Variants in DYNC1I1 observed in about 807,000 individuals in gnomAD.
DYNC1I1 encodes the protein dynein cytoplasmic 1 intermediate chain 1, also known as cytoplasmic dynein 1 intermediate chain 1.
Under a neutral mutation model 86.6 loss-of-function variants are expected in DYNC1I1, and 43 were observed. That is an observed-to-expected ratio of 0.50 (90% CI 0.39 to 0.64). The LOEUF is 0.64. Among genes scored for constraint, DYNC1I1 ranks in the 30% least tolerant of loss-of-function variants. The pLI is 0.00. For missense variants in DYNC1I1, 604 were observed against 788.8 expected (o/e 0.77, Z 2.81); for synonymous variants, 262 against 283.7 (o/e 0.92, Z 0.77).
chr7:96,043,475 T>C (rs1257027618), intron 14 of DYNC1I1, among the ~76,000 whole-genome samples: 1 of 151,922 alleles, frequency 6.6e-6, no homozygotes, highest in Non-Finnish European at 1.5e-5. Context: ...ACACCTGATT[T>C]AGTTTCTGCA....
chr7:96,096,451 G>A (rs901602813), intron 16 of DYNC1I1, among the ~76,000 whole-genome samples: 2 of 152,104 alleles, frequency 1.3e-5, no homozygotes, highest in East Asian at 1.9e-4. Context: ...AAGAAAATGC[G>A]TGTAAAATCT....
intron 10 of DYNC1I1, among the ~76,000 whole-genome samples, chr7:96,020,445 C>T (rs1794515392): frequency 6.6e-6 from 1 of 152,062 alleles, no homozygotes; most frequent in South Asian, 2.1e-4. Context: ...TCTTGTGAGA[C>T]CCACCCGCCA....
chr7:95,864,704 G>A (rs1048966763), intron 5 of DYNC1I1, among the ~76,000 whole-genome samples: 2 of 152,048 alleles, frequency 1.3e-5, no homozygotes, highest in Admixed American at 6.6e-5. Context: ...TTTGTATACC[G>A]CAATCTACTT....
At chr7:95,982,821 T>C (rs1474807981) in intron 7 of DYNC1I1, among the ~76,000 whole-genome samples, 1 of 152,154 alleles carries the variant, frequency 6.6e-6, no homozygotes, top group Non-Finnish European at 1.5e-5. Flanking sequence ...TAGTAGGGTT[T>C]GTTCCCCTTT....
intron 6 of DYNC1I1, among the ~76,000 whole-genome samples, chr7:95,879,434 T>A (rs1286579625): frequency 6.6e-6 from 1 of 151,932 alleles, no homozygotes; most frequent in Non-Finnish European, 1.5e-5. Context: ...AACTCTTAAA[T>A]GAAAAAGAGT....
chr7:96,014,724 C>T lies in DYNC1I1; in HGVS notation c.970-13451C>T, dbSNP rs548497383. ...CAAAGGAAGCTGGAAAATCAAGCTA[C>T]GGATCTTGTTTTTCAGGTCTGTTAT... On this transcript the variant is annotated intron_variant, in intron 10 of 16. Transcript: ENST00000447467. Among the ~76,000 whole-genome samples the T allele has an allele frequency of 2.6e-5, 4 of 152,248 alleles. No individual in the cohort carries two copies. The South Asian group carries it at 8.3e-4, about 32-fold the overall frequency.
intron 6 of DYNC1I1, among the ~76,000 whole-genome samples, chr7:95,960,842 A>G (rs1792847814): frequency 6.6e-6 from 1 of 152,346 alleles, no homozygotes; most frequent in South Asian, 2.1e-4. Flanking sequence ...CCTGTTCAGC[A>G]TCGTCTAGAC....
chr7:95,970,442 G>A (rs971878932), intron 6 of DYNC1I1, among the ~76,000 whole-genome samples: 1 of 152,174 alleles, frequency 6.6e-6, no homozygotes, highest in Non-Finnish European at 1.5e-5. Context: ...TGAGGGTCAA[G>A]CCATCCCCAG....
At chr7:95,813,093 C>CTGT in intron 3 of DYNC1I1, 154 bp from the exon 4 acceptor site, 1 of 1,113,814 alleles carries the variant, frequency 9.0e-7, no homozygotes, top group Non-Finnish European at 1.2e-6. Context: ...CTTTTCTTTC[C>CTGT]TTTTTTTTTT....
At chr7:95,834,704 G>A (rs199923676) in intron 5 of DYNC1I1, among the ~76,000 whole-genome samples, 9,962 of 113,500 alleles carry the variant, frequency 0.088, 340 homozygotes, top group South Asian at 0.11. Context: ...TCTTGGGAGA[G>A]TGTATGTGTC....
At position 95,977,454 on chromosome 7, in the gene DYNC1I1, C is replaced by A. The variant is rs550248010; in HGVS notation, c.491-58C>A. 3.2e-6 allele frequency: 5 copies of A among 1,555,692 alleles called. No individual in the cohort carries two copies. In the African/African-American group the frequency reaches 4.1e-5, roughly 13 times the overall value. On this transcript the variant is annotated intron_variant, in intron 6 of 16. Coordinates refer to ENST00000447467, the MANE Select transcript of DYNC1I1 (RefSeq NM_001135556.2). ...CTTTACCCCTACCTCCCACTATCAA[C>A]CAAAGACTTTGATTTGGAGGAAAGA...
At chr7:96,087,220 A>C (rs1790707450) in intron 16 of DYNC1I1, among the ~76,000 whole-genome samples, 1 of 152,228 alleles carries the variant, frequency 6.6e-6, no homozygotes, top group Non-Finnish European at 1.5e-5. Context: ...TCCTTGAGGA[A>C]GTGGGCATAC....
intron 1 of DYNC1I1, among the ~76,000 whole-genome samples, chr7:95,780,209 A>G (rs1793950740): frequency 6.6e-6 from 1 of 152,124 alleles, no homozygotes; most frequent in Non-Finnish European, 1.5e-5. Flanking sequence ...ATTCATTCTA[A>G]TGAATAAATG....
intron 4 of DYNC1I1, among the ~76,000 whole-genome samples, chr7:95,819,123 G>A (rs1795016854): frequency 6.6e-6 from 1 of 151,950 alleles, no homozygotes; most frequent in African/African-American, 2.4e-5. Flanking sequence ...TGATACAAAG[G>A]GAATGGATTA....
intron 8 of DYNC1I1, among the ~76,000 whole-genome samples, chr7:95,986,165 G>A (rs1196208199): frequency 6.6e-6 from 1 of 152,052 alleles, no homozygotes; most frequent in East Asian, 1.9e-4. Context: ...TTGGAAGCCA[G>A]GTCACCCAGT....
intron 1 of DYNC1I1, among the ~76,000 whole-genome samples, chr7:95,787,208 A>G (rs1794171492): frequency 6.6e-6 from 1 of 152,206 alleles, no homozygotes; most frequent in Non-Finnish European, 1.5e-5. Context: ...ACTGGATCAC[A>G]GTGCCCTTGC....
intron 1 of DYNC1I1, among the ~76,000 whole-genome samples, chr7:95,783,120 G>A (rs148977002): frequency 4.6e-5 from 7 of 152,146 alleles, no homozygotes; most frequent in Admixed American, 2.6e-4. Context: ...AGGGTGGAGC[G>A]TTTGCTGGGA....
intron 5 of DYNC1I1, among the ~76,000 whole-genome samples, chr7:95,836,625 C>T (rs1789101077): frequency 6.6e-6 from 1 of 152,082 alleles, no homozygotes. Flanking sequence ...TAGATTTGGT[C>T]TTTTCACATA....
intron 10 of DYNC1I1, among the ~76,000 whole-genome samples, chr7:96,024,909 G>A (rs1390782264): frequency 6.6e-6 from 1 of 152,176 alleles, no homozygotes; most frequent in Admixed American, 6.5e-5. Flanking sequence ...GTAGCTGTGT[G>A]AACAGCAGGG....
Sources: gnomAD v4.1 joint callset for allele counts (sites outside exome capture counted in the v4.1 genomes callset) on GRCh38, gnomAD v4.1.1 for gene constraint, MANE v1.5 for transcripts, NCBI Gene and HGNC (gene_info 2026-07-23, HGNC 2026-07-21) for gene names.